C16orf46: variants seen among roughly 807,000 people sequenced by gnomAD.
C16orf46 encodes chromosome 16 open reading frame 46, also known as uncharacterized protein C16orf46.
C16orf46 carries 7 observed loss-of-function variants against 5.5 expected under a neutral mutation model. That is an observed-to-expected ratio of 1.28 (90% CI 0.73 to 2.40). The LOEUF (loss-of-function observed/expected upper bound fraction) is 2.40, where lower values mean the gene tolerates loss of function less well. Among genes scored for constraint, C16orf46 ranks in the 30% most tolerant of loss-of-function variants. The pLI is 0.00. For synonymous variants in C16orf46, 200 were observed against 184.1 expected (o/e 1.09, Z -0.70); for missense variants, 614 against 476.0 (o/e 1.29, Z -2.70).
intron 2 of C16orf46, among the ~76,000 whole-genome samples, chr16:81,064,342 TAG>T (rs1971584446): frequency 7.2e-6 from 1 of 138,304 alleles, no homozygotes; most frequent in Non-Finnish European, 1.5e-5. Context: ...CAGCCTGGGT[TAG>T]AGAGTGAGAT....
chr16:81,068,191 T>G (rs1410697802), intron 1 of C16orf46, among the ~76,000 whole-genome samples: 1 of 152,212 alleles, frequency 6.6e-6, no homozygotes, highest in African/African-American at 2.4e-5. Flanking sequence ...TTAATGTAGC[T>G]TTAACACCCT....
chr16:81,068,462 C>T (rs1273029607), intron 1 of C16orf46, among the ~76,000 whole-genome samples: 1 of 151,504 alleles, frequency 6.6e-6, no homozygotes, highest in Non-Finnish European at 1.5e-5. Flanking sequence ...CGACCAAGAA[C>T]ATAAAGAAAT....
At chr16:81,054,520 G>GATAT (rs368793022) in intron 3 of C16orf46, among the ~76,000 whole-genome samples, 1 of 151,350 alleles carries the variant, frequency 6.6e-6, no homozygotes, top group African/African-American at 2.4e-5. Context: ...TTGGTAACGT[G>GATAT]ATATATATAT....
intron 3 of C16orf46, among the ~76,000 whole-genome samples, chr16:81,055,641 CT>C (rs1317406124): frequency 1.3e-5 from 2 of 152,202 alleles, no homozygotes; most frequent in Admixed American, 1.3e-4. Context: ...CTGCAGTGAG[CT>C]GTGATGGTAC....
At chr16:81,066,725 C>T (rs182071301) in intron 1 of C16orf46, among the ~76,000 whole-genome samples, 6 of 152,270 alleles carry the variant, frequency 3.9e-5, no homozygotes, top group African/African-American at 7.2e-5. Context: ...ACACATTTGA[C>T]GTAAACCAAG....
chr16:81,054,089 C>G, exon 4 of C16orf46: 2 of 1,612,692 alleles, frequency 1.2e-6, no homozygotes, highest in Non-Finnish European at 1.7e-6. Context: ...TCTTCTTTTT[C>G]CTGTGCTGTA....
chr16:81,070,686 CACTT>C (rs1323386995), intron 1 of C16orf46, among the ~76,000 whole-genome samples: 9 of 152,034 alleles, frequency 5.9e-5, no homozygotes, highest in East Asian at 1.9e-4. Context: ...TTTTTATTTT[CACTT>C]ACTTATTTAT....
At chr16:81,072,488 G>A (rs1242846679) in intron 1 of C16orf46, among the ~76,000 whole-genome samples, 1 of 151,532 alleles carries the variant, frequency 6.6e-6, no homozygotes. Flanking sequence ...GGGTTCAAGT[G>A]ATTCTCCTGC....
Position 81,066,228 on chromosome 16 carries a change from C to T in C16orf46, c.-74G>A, listed in dbSNP as rs1971650853. The T allele has an allele frequency of 6.6e-6, 1 of 151,978 alleles. No individual in the cohort carries two copies. The highest frequency in any genetic ancestry group is 1.5e-5 in the Non-Finnish European group (1 of 68,012). 9.4% of individuals were successfully genotyped at this position (151,978 alleles called of 1,614,324 possible). On this transcript the variant is annotated 5_prime_UTR_variant, in exon 2 of 4. Transcript: ENST00000299578. ...GATGCACCTTCGGAACACTGGTGTA[C>T]TTCAGGCAGGATCAACACGCTCCGC...
chr16:81,072,525 T>C (rs867565066), intron 1 of C16orf46, among the ~76,000 whole-genome samples: 2 of 151,724 alleles, frequency 1.3e-5, no homozygotes, highest in Non-Finnish European at 2.9e-5. Context: ...GCTGGGATTA[T>C]AGGCATGCGC....
At chr16:81,063,246 GAAAAAAAAAA>G (rs371975396) in intron 3 of C16orf46, among the ~76,000 whole-genome samples, 4 of 100,814 alleles carry the variant, frequency 4.0e-5, no homozygotes, top group African/African-American at 1.1e-4. Context: ...CCATCTCAGG[GAAAAAAAAAA>G]AAAAAAAAAA....
intron 1 of C16orf46, among the ~76,000 whole-genome samples, chr16:81,073,648 G>A (rs117733433): frequency 0.017 from 2,617 of 152,282 alleles, 40 homozygotes; most frequent in South Asian, 0.036. Context: ...ATCAAATGAC[G>A]TAGTCTTCTA....
intron 1 of C16orf46, among the ~76,000 whole-genome samples, chr16:81,074,097 G>T (rs906611059): frequency 6.6e-6 from 1 of 152,176 alleles, no homozygotes; most frequent in Non-Finnish European, 1.5e-5. Context: ...TAAGTCATCC[G>T]CAAGCCTGCA....
chr16:81,054,039 G>T (rs1165094229), exon 4 of C16orf46: 2 of 1,600,774 alleles, frequency 1.2e-6, no homozygotes, highest in Non-Finnish European at 1.7e-6. Context: ...CCGTGTTGCT[G>T]CTTAGGACTG....
intron 2 of C16orf46, among the ~76,000 whole-genome samples, chr16:81,065,212 C>T (rs1465568908): frequency 6.6e-6 from 1 of 152,140 alleles, no homozygotes; most frequent in African/African-American, 2.4e-5. Flanking sequence ...ATGGCTCACG[C>T]CTGTAATCCC....
At chr16:81,063,213 A>G (rs1428227195) in intron 3 of C16orf46, among the ~76,000 whole-genome samples, 3 of 148,106 alleles carry the variant, frequency 2.0e-5, no homozygotes, top group Non-Finnish European at 3.0e-5. Context: ...ACTGCACTCC[A>G]GCCTGGGCGA....
chr16:81,071,924 G>C (rs1971869760), intron 1 of C16orf46: 1 of 152,160 alleles, frequency 6.6e-6, no homozygotes, highest in Non-Finnish European at 1.5e-5. Flanking sequence ...GTTGCAGTTG[G>C]GTTAGAGACT....
chr16:81,063,127 C>T (rs1330392270), intron 3 of C16orf46, among the ~76,000 whole-genome samples: 2 of 151,528 alleles, frequency 1.3e-5, no homozygotes, highest in Admixed American at 1.3e-4. Context: ...CCTATAATCC[C>T]AGCTACTCAG....
intron 1 of C16orf46, among the ~76,000 whole-genome samples, chr16:81,068,244 C>A (rs1352613829): frequency 6.6e-6 from 1 of 152,146 alleles, no homozygotes; most frequent in Non-Finnish European, 1.5e-5. Flanking sequence ...CTGAAATGAA[C>A]AAAGACAACG....
Sources: gnomAD v4.1 joint callset for allele counts (sites outside exome capture counted in the v4.1 genomes callset) on GRCh38, gnomAD v4.1.1 for gene constraint, MANE v1.5 for transcripts, NCBI Gene and HGNC (gene_info 2026-07-23, HGNC 2026-07-21) for gene names.